The following ASB4 variants were observed in gnomAD, a reference collection of about 807,000 sequenced individuals.
The protein encoded by ASB4 is ankyrin repeat and SOCS box protein 4.
In ASB4, 35 loss-of-function variants were observed where a neutral mutation model predicts 38.6. The observed-to-expected ratio is 0.91, with a 90% CI of 0.69 to 1.20. The LOEUF is 1.20. Ranked by LOEUF, ASB4 falls within the 50% of genes most tolerant of loss-of-function variation. The probability of loss-of-function intolerance (pLI) is 0.00; values close to 1 mark genes in which losing one functional copy is unlikely to be tolerated. For missense variants in ASB4, 557 were observed against 527.2 expected, an observed-to-expected ratio of 1.06 and a Z score of -0.55; for synonymous variants, 195 against 201.3, an observed-to-expected ratio of 0.97 and a Z score of 0.26.
Position 95,539,301 on chromosome 7 carries a change from G to C in ASB4, c.*1542G>C, listed in dbSNP as rs1420812359. The C allele has an allele frequency of 6.6e-6, 1 of 152,144 alleles. No homozygotes were observed. The highest frequency in any genetic ancestry group is 1.5e-5 in the Non-Finnish European group (1 of 68,020). 9.4% of individuals were successfully genotyped at this position (152,144 alleles called of 1,614,324 possible). ...AATGTTAACTGGCAATCACCTAACT[G>C]GTTAATCTCAGTTGAGACTGTGCTT... On this transcript the variant is annotated 3_prime_UTR_variant, in exon 5 of 5. Coordinates refer to ENST00000325885, the MANE Select transcript of ASB4 (RefSeq NM_016116.3).
At chr7:95,546,341 A>G in the ASB4 span, among the ~76,000 whole-genome samples, 157 of 152,328 alleles carry the variant, frequency 1.0e-3, no homozygotes, top group African/African-American at 3.5e-3. Context: ...CCATTTGTAG[A>G]CATGGGCCGC....
upstream of ASB4, among the ~76,000 whole-genome samples, chr7:95,476,081 A>G (rs1236525359): frequency 6.6e-6 from 1 of 152,098 alleles, no homozygotes; most frequent in Non-Finnish European, 1.5e-5. Flanking sequence ...TGTGTTTCGT[A>G]TTTCTGGCAC....
In ASB4 at chr7:95,538,725, C is replaced by T. The variant is rs138139149; in HGVS notation, c.*966C>T. The T allele has an allele frequency of 5.3e-5, 8 of 152,140 alleles. No individual in the cohort carries two copies. The highest frequency in any genetic ancestry group is 1.7e-4 in the African/African-American group (7 of 41,494). The allele number at this position is 152,140 out of a possible 1,614,324, so 9.4% of individuals were successfully genotyped here. On this transcript the variant is annotated 3_prime_UTR_variant, in exon 5 of 5. Coordinates refer to ENST00000325885, the MANE Select transcript of ASB4 (RefSeq NM_016116.3). ...GTTAGTATTAATACTTTCCCAGACT[C>T]CTTGAGAAAAATATTGCACACTCAA... is the stretch of plus-strand genomic sequence containing the variant.
chr7:95,483,251 C>G (rs988266456), upstream of ASB4, among the ~76,000 whole-genome samples: 16 of 152,194 alleles, frequency 1.1e-4, no homozygotes, highest in Non-Finnish European at 2.4e-4. Context: ...TGCACTCTTA[C>G]TGCTGACTGC....
upstream of ASB4, among the ~76,000 whole-genome samples, chr7:95,480,964 GA>G (rs1011883196): frequency 2.6e-5 from 4 of 152,040 alleles, no homozygotes; most frequent in South Asian, 2.1e-4. Flanking sequence ...TAATTAACCT[GA>G]AAAAAACCAT....
chr7:95,503,805 G>A (rs992809645), intron 2 of ASB4, among the ~76,000 whole-genome samples: 2 of 152,124 alleles, frequency 1.3e-5, no homozygotes, highest in African/African-American at 2.4e-5. Context: ...CTATTTAATG[G>A]GCTCTTTGTG....
At chr7:95,523,667 T>C (rs1790695083) in intron 2 of ASB4, among the ~76,000 whole-genome samples, 2 of 152,168 alleles carry the variant, frequency 1.3e-5, no homozygotes, top group South Asian at 4.1e-4. Flanking sequence ...AATAATTCTA[T>C]TTTGGGGGAA....
chr7:95,501,932 G>A (rs117666228), intron 2 of ASB4, among the ~76,000 whole-genome samples: 2,026 of 152,186 alleles, frequency 0.013, 61 homozygotes, highest in Admixed American at 0.055. Flanking sequence ...ATCAAAGGCC[G>A]AATTCACAAA....
At chr7:95,515,293 CT>C (rs1562817249) in intron 2 of ASB4, among the ~76,000 whole-genome samples, 10 of 118,170 alleles carry the variant, frequency 8.5e-5, no homozygotes, top group African/African-American at 2.5e-4. Context: ...TTCTTTCTTT[CT>C]TTCTTTCTTT....
intron 2 of ASB4, among the ~76,000 whole-genome samples, chr7:95,519,582 C>G (rs1410002417): frequency 2.6e-4 from 39 of 152,186 alleles, no homozygotes; most frequent in Admixed American, 2.6e-3. Flanking sequence ...CAACATGGAT[C>G]AAACATCTCA....
In ASB4 at chr7:95,528,249, C is replaced by G; in HGVS notation, c.924C>G (p.Tyr308Ter). 1 of 1,614,158 alleles carries G rather than the reference C, an allele frequency of 6.2e-7. No individual in the cohort carries two copies. Among genetic ancestry groups the G allele is most frequent in the Non-Finnish European group, 8.5e-7 (1 of 1,180,024 alleles). ...CTGCTGCCCAGCCTGAGATCTGCTA[C>G]CAGCTCCTGTTGAACCATGGGGCTG... ...VRPAAQPEIC[Y>*]QLLLNHGAAR... The change falls in exon 3 of 5, where the codon TAC becomes TAG. Residue 308 changes from tyrosine (Y) to a stop codon, truncating the protein, a stop_gained. Coordinates refer to ENST00000325885, the MANE Select transcript of ASB4 (RefSeq NM_016116.3). LOFTEE classifies it high-confidence loss of function.
chr7:95,525,826 T>C (rs1790728966), intron 2 of ASB4, among the ~76,000 whole-genome samples: 1 of 152,186 alleles, frequency 6.6e-6, no homozygotes, highest in African/African-American at 2.4e-5. Context: ...AAGACCATCT[T>C]TGGTTACAAT....
At chr7:95,527,394 A>G (rs1790753257) in intron 2 of ASB4, among the ~76,000 whole-genome samples, 1 of 152,236 alleles carries the variant, frequency 6.6e-6, no homozygotes, top group Non-Finnish European at 1.5e-5. Context: ...GGAATATTCT[A>G]AACAGTTGAT....
upstream of ASB4, among the ~76,000 whole-genome samples, chr7:95,475,153 A>G (rs1327086524): frequency 6.6e-6 from 1 of 152,132 alleles, no homozygotes; most frequent in Admixed American, 6.5e-5. Flanking sequence ...GTGTTGTAAC[A>G]AGCCCACCAG....
intron 2 of ASB4, among the ~76,000 whole-genome samples, chr7:95,496,862 A>G (rs1172403465): frequency 6.6e-6 from 1 of 152,144 alleles, no homozygotes; most frequent in African/African-American, 2.4e-5. Context: ...CAAAAAACAA[A>G]GAACAAAAAC....
intron 2 of ASB4, among the ~76,000 whole-genome samples, chr7:95,505,371 A>G (rs1345851848): frequency 1.3e-5 from 2 of 152,166 alleles, no homozygotes; most frequent in Non-Finnish European, 2.9e-5. Flanking sequence ...ATCACAAGAA[A>G]TTTAAGGGGC....
upstream of ASB4, among the ~76,000 whole-genome samples, chr7:95,481,764 G>A (rs1465727507): frequency 6.6e-6 from 1 of 152,138 alleles, no homozygotes; most frequent in Non-Finnish European, 1.5e-5. Context: ...AGTACACCAG[G>A]GTCTTACGGG....
intron 3 of ASB4, among the ~76,000 whole-genome samples, chr7:95,533,150 C>A (rs1790841268): frequency 6.6e-6 from 1 of 152,144 alleles, no homozygotes; most frequent in South Asian, 2.1e-4. Context: ...ATGTGGCAGG[C>A]TTCCAGTAAT....
Position 95,537,826 on chromosome 7 carries a change from C to T in ASB4, c.*67C>T. ...GACTTGCTGGGTAGACACAGTTTGC[C>T]TAAATAAAATGGTACTTGGGTTGAT... is the stretch of plus-strand genomic sequence containing the variant. On this transcript the variant is annotated 3_prime_UTR_variant, in exon 5 of 5. Coordinates refer to ENST00000325885, the MANE Select transcript of ASB4 (RefSeq NM_016116.3). 7.0e-7 allele frequency: 1 copy of T among 1,418,520 alleles called. No individual in the cohort carries two copies. The highest frequency in any genetic ancestry group is 9.7e-7 in the Non-Finnish European group (1 of 1,033,018). 87.9% of individuals were successfully genotyped at this position (1,418,520 alleles called of 1,614,324 possible).
Sources: allele counts gnomAD v4.1 joint callset (sites outside exome capture counted in the v4.1 genomes callset), GRCh38; gene constraint gnomAD v4.1.1; transcripts MANE v1.5; gene names NCBI Gene and HGNC (gene_info 2026-07-23, HGNC 2026-07-21).